The following CATSPERE variants were observed in gnomAD, a reference collection of about 807,000 sequenced individuals.
CATSPERE encodes the protein cation channel sperm-associated auxiliary subunit epsilon.
Under a neutral mutation model 114.1 loss-of-function variants are expected in CATSPERE, and 93 were observed. The observed-to-expected ratio is 0.81, with a 90% CI of 0.69 to 0.97. CATSPERE has a LOEUF of 0.97. Among genes scored for constraint, CATSPERE ranks in the 50% least tolerant of loss-of-function variants. The pLI is 0.00. For missense variants in CATSPERE, 1,058 were observed against 1,131.6 expected, an observed-to-expected ratio of 0.93 and a Z score of 0.93; for synonymous variants, 341 against 384.1, an observed-to-expected ratio of 0.89 and a Z score of 1.31.
At chr1:244,623,967 T>C (rs1672733818) in intron 20 of CATSPERE, among the ~76,000 whole-genome samples, 1 of 151,804 alleles carries the variant, frequency 6.6e-6, no homozygotes, top group Non-Finnish European at 1.5e-5. Context: ...GCTGTGGCAG[T>C]TTCTTTTTTT....
chr1:244,565,229 C>T (rs962990365), intron 10 of CATSPERE, among the ~76,000 whole-genome samples: 2 of 152,178 alleles, frequency 1.3e-5, no homozygotes, highest in East Asian at 1.9e-4. Context: ...TGTGTCTCTG[C>T]CAGGTTTTGG....
Position 244,565,247 on chromosome 1 carries a change from A to G in CATSPERE, c.1507+4102A>G, listed in dbSNP as rs537216921. ...GTCTCTGCCAGGTTTTGGTGTCAGA[A>G]TGATGCTGGCCTCATAAAATGAATT... On this transcript the variant is annotated intron_variant, in intron 10 of 21. Coordinates refer to ENST00000366534, the MANE Select transcript of CATSPERE (RefSeq NM_001130957.2). Among the ~76,000 whole-genome samples, 5 of 152,336 alleles carry G rather than the reference A, an allele frequency of 3.3e-5. No homozygotes were observed. In the East Asian group the frequency reaches 9.6e-4, roughly 29 times the overall value.
intron 19 of CATSPERE, among the ~76,000 whole-genome samples, chr1:244,615,037 G>T (rs775745500): frequency 6.6e-6 from 1 of 151,882 alleles, no homozygotes; most frequent in African/African-American, 2.4e-5. Flanking sequence ...CATTGTTGCA[G>T]CCCTCATTGT....
At position 244,573,318 on chromosome 1, in the gene CATSPERE, G is replaced by A. The variant is rs952263547; in HGVS notation, c.1950+546G>A. Among the ~76,000 whole-genome samples, 5 of 152,066 alleles carry A rather than the reference G, an allele frequency of 3.3e-5. No individual in the cohort carries two copies. Among genetic ancestry groups the A allele is most frequent in the Non-Finnish European group, 7.4e-5 (5 of 68,008 alleles). On this transcript the variant is annotated intron_variant, in intron 11 of 21. Transcript: ENST00000366534. The surrounding 1 kb of genome is among the most constrained non-coding windows in gnomAD (Gnocchi z 4.0). Reference sequence around the variant, plus strand: ...CCCAGCTACTCGGGAGGCTGAGGCAGGAGAATGGTGTGAACCCAGGAGGTG... The same window carrying A: ...CCCAGCTACTCGGGAGGCTGAGGCAAGAGAATGGTGTGAACCCAGGAGGTG...
intron 8 of CATSPERE, among the ~76,000 whole-genome samples, chr1:244,520,191 G>T (rs945726079): frequency 6.8e-6 from 1 of 147,920 alleles, no homozygotes; most frequent in Non-Finnish European, 1.5e-5. Context: ...TTTGGGTGCC[G>T]TATCAAGGAA....
chr1:244,526,058 G>T (rs1007336716), intron 8 of CATSPERE, among the ~76,000 whole-genome samples: 2 of 152,260 alleles, frequency 1.3e-5, no homozygotes, highest in African/African-American at 4.8e-5. Context: ...TGTGAGAAAG[G>T]CAGGTGACAG....
chr1:244,581,759 C>A, intron 11 of CATSPERE, 37 bp from the exon 12 acceptor site: 2 of 994,540 alleles, frequency 2.0e-6, no homozygotes, highest in South Asian at 2.9e-5. Flanking sequence ...CCCCCAATTT[C>A]CCTGCTTTAC....
At chr1:244,608,943 C>T (rs1424598805) in intron 18 of CATSPERE, among the ~76,000 whole-genome samples, 1 of 151,988 alleles carries the variant, frequency 6.6e-6, no homozygotes, top group African/African-American at 2.4e-5. Flanking sequence ...AATTACAGCA[C>T]TTTGGGAGGC....
rs80141758 is a variant in CATSPERE, at chr1:244,569,819, C to T, written c.1508-2511C>T. 3.3e-3 allele frequency among the ~76,000 whole-genome samples: 505 copies of T among 152,246 alleles called. 2 individuals carry two copies. The highest frequency in any genetic ancestry group is 0.011 in the African/African-American group (469 of 41,550). The stretch of plus-strand genomic sequence containing the variant: ...TTATGTATTCATTCCTCACATTAAC[C>T]GGATTGTTTCTAGGCTATTCTGTTC... On this transcript the variant is annotated intron_variant, in intron 10 of 21. Coordinates refer to ENST00000366534, the MANE Select transcript of CATSPERE (RefSeq NM_001130957.2).
chr1:244,492,097 G>C (rs1572380976), intron 6 of CATSPERE, among the ~76,000 whole-genome samples: 1 of 152,016 alleles, frequency 6.6e-6, no homozygotes, highest in South Asian at 2.1e-4. Flanking sequence ...CATTTTATGA[G>C]GCCAGCATCA....
Position 244,561,102 on chromosome 1 carries a change from A to C in CATSPERE, c.1464A>C (p.Leu488=). 6.2e-7 allele frequency: 1 copy of C among 1,608,754 alleles called. No individual in the cohort carries two copies. The highest frequency in any genetic ancestry group is 8.5e-7 in the Non-Finnish European group (1 of 1,175,964). The change falls in exon 10 of 22, where the codon CTA becomes CTC. Residue 488 remains leucine (L), a synonymous_variant. Transcript: ENST00000366534. ...AGACACCTGCAGGACATGGAAATCT[A>C]TCAATGCTATCAAATGACAGCATTA... ...ILQTPAGHGN[L]SMLSNDSIIH...
chr1:244,558,916 G>A (rs1662116811), intron 9 of CATSPERE, among the ~76,000 whole-genome samples: 1 of 152,186 alleles, frequency 6.6e-6, no homozygotes, highest in Admixed American at 6.5e-5. Context: ...TAGTCACAGA[G>A]CTGAGAATCC....
intron 5 of CATSPERE, among the ~76,000 whole-genome samples, chr1:244,489,850 A>C (rs1572359339): frequency 2.6e-5 from 4 of 151,478 alleles, no homozygotes. Flanking sequence ...GTATAGCAAG[A>C]AAAAAAAATG....
intron 10 of CATSPERE, among the ~76,000 whole-genome samples, chr1:244,571,156 T>C (rs1305857185): frequency 6.6e-6 from 1 of 152,260 alleles, no homozygotes; most frequent in Non-Finnish European, 1.5e-5. Context: ...CCATTCACAT[T>C]TCTCCCCTTC....
At chr1:244,579,137 G>A (rs1339907459) in intron 11 of CATSPERE, among the ~76,000 whole-genome samples, 1 of 152,056 alleles carries the variant, frequency 6.6e-6, no homozygotes, top group African/African-American at 2.4e-5. Context: ...CTGCCCACAG[G>A]ATGACTAGTG....
chr1:244,536,676 C>T (rs180682235), intron 8 of CATSPERE, among the ~76,000 whole-genome samples: 125 of 152,294 alleles, frequency 8.2e-4, no homozygotes, highest in African/African-American at 2.8e-3. Flanking sequence ...GTCTTTCCCA[C>T]CGTCTTCAGT....
chr1:244,481,313 T>G (rs1269808785), intron 5 of CATSPERE, among the ~76,000 whole-genome samples: 1 of 151,850 alleles, frequency 6.6e-6, no homozygotes, highest in East Asian at 1.9e-4. Flanking sequence ...TAGCCAGATG[T>G]GGTGGCGGGC....
At chr1:244,491,129 C>G (rs1425922761) in intron 6 of CATSPERE, among the ~76,000 whole-genome samples, 1 of 152,068 alleles carries the variant, frequency 6.6e-6, no homozygotes, top group Non-Finnish European at 1.5e-5. Context: ...CACCACAAAT[C>G]AACAGAATAT....
At chr1:244,638,602 T>C (rs1203049672) in intron 21 of CATSPERE, among the ~76,000 whole-genome samples, 1 of 152,192 alleles carries the variant, frequency 6.6e-6, no homozygotes, top group Non-Finnish European at 1.5e-5. Context: ...ACTTAACTTC[T>C]TCTCTTAGGT....
Sources: gnomAD v4.1 joint callset for allele counts (sites outside exome capture counted in the v4.1 genomes callset) on GRCh38, gnomAD v4.1.1 for gene constraint, Gnocchi (gnomAD v3.1) non-coding constraint, MANE v1.5 for transcripts, NCBI Gene and HGNC (gene_info 2026-07-23, HGNC 2026-07-21) for gene names.